The following CNTNAP2 variants were observed in gnomAD, a reference collection of about 807,000 sequenced individuals.
The protein encoded by CNTNAP2 is contactin associated protein 2.
Under a neutral mutation model 155.2 loss-of-function variants are expected in CNTNAP2, and 98 were observed. That is an observed-to-expected ratio of 0.63 (90% CI 0.54 to 0.75). CNTNAP2 has a LOEUF of 0.75. CNTNAP2 is among the 30% of genes least tolerant of loss of function. The pLI is 0.00. For synonymous variants in CNTNAP2, 651 were observed against 631.2 expected, an observed-to-expected ratio of 1.03 and a Z score of -0.47; for missense variants, 1,727 against 1,688.1, an observed-to-expected ratio of 1.02 and a Z score of -0.40.
At chr7:146,479,762 A>G (rs1796932244) in intron 1 of CNTNAP2, among the ~76,000 whole-genome samples, 1 of 151,964 alleles carries the variant, frequency 6.6e-6, no homozygotes, top group Non-Finnish European at 1.5e-5. Flanking sequence ...GGTAGAAATT[A>G]TAGCTCCATA....
At chr7:147,249,476 T>G (rs1804138582) in intron 8 of CNTNAP2, among the ~76,000 whole-genome samples, 1 of 151,936 alleles carries the variant, frequency 6.6e-6, no homozygotes, top group African/African-American at 2.4e-5. Context: ...GTCCCTCTTC[T>G]CAATATAATC....
At chr7:147,859,619 A>G (rs1205839043) in intron 13 of CNTNAP2, among the ~76,000 whole-genome samples, 1 of 152,172 alleles carries the variant, frequency 6.6e-6, no homozygotes, top group Non-Finnish European at 1.5e-5. Flanking sequence ...TTATCTTGCT[A>G]TCACTCTTAA....
chr7:148,281,887 G>A (rs1481676263), intron 21 of CNTNAP2, among the ~76,000 whole-genome samples: 1 of 147,108 alleles, frequency 6.8e-6, no homozygotes, highest in African/African-American at 2.5e-5. Flanking sequence ...CCAGGTTGGA[G>A]TGCAATGGCG....
chr7:147,595,568 G>A (rs779174262), intron 12 of CNTNAP2, among the ~76,000 whole-genome samples: 4 of 152,154 alleles, frequency 2.6e-5, no homozygotes, highest in Non-Finnish European at 2.9e-5. Flanking sequence ...TAATGTATTC[G>A]ATGGAAGCAA....
intron 6 of CNTNAP2, among the ~76,000 whole-genome samples, chr7:147,125,665 A>C (rs546755735): frequency 1.3e-5 from 2 of 152,346 alleles, no homozygotes; most frequent in Non-Finnish European, 2.9e-5. Flanking sequence ...CCTAGGAAGA[A>C]AATCAGTCAC....
intron 1 of CNTNAP2, among the ~76,000 whole-genome samples, chr7:146,316,666 TA>T (rs1800911091): frequency 6.6e-6 from 1 of 152,184 alleles, no homozygotes; most frequent in South Asian, 2.1e-4. Context: ...CATACGTCCA[TA>T]AGATACGTTT....
rs561968893 is a variant in CNTNAP2 at position 146,933,156 on chromosome 7, C to G, written c.402+93252C>G. Among the ~76,000 whole-genome samples, 1,265 of 151,920 alleles carry G rather than the reference C, an allele frequency of 8.3e-3. 22 individuals carry two copies. Among genetic ancestry groups the G allele is most frequent in the African/African-American group, 0.028 (1,162 of 41,258 alleles). ...TCAATCCTAAGCCAAAAGAACAAAGCTGGAGGCATCACGCTACCTGACTTC... is the reference window on the plus strand; with the variant it reads ...TCAATCCTAAGCCAAAAGAACAAAGGTGGAGGCATCACGCTACCTGACTTC... On this transcript the variant is annotated intron_variant, in intron 3 of 23. Transcript: ENST00000361727.
rs186597486 is a variant in CNTNAP2, at chr7:146,170,579, A to C, written c.97+53606A>C. Among the ~76,000 whole-genome samples, 92 of 152,230 alleles carry C rather than the reference A, an allele frequency of 6.0e-4. 1 individual carries two copies. Among genetic ancestry groups the C allele is most frequent in the African/African-American group, 2.0e-3 (83 of 41,550 alleles). On this transcript the variant is annotated intron_variant, in intron 1 of 23. Transcript: ENST00000361727. ...ATTTTTAAATATGGTTTTTGTGGTC[A>C]TATGTTAACATAGAAAATATGAAAA...
At chr7:147,558,728 C>CCTTCCTTCCTTCCTTT (rs1283285491) in intron 11 of CNTNAP2, among the ~76,000 whole-genome samples, 6 of 74,146 alleles carry the variant, frequency 8.1e-5, no homozygotes, top group African/African-American at 2.9e-4. Context: ...TTCCTTCCTT[C>CCTTCCTTCCTTCCTTT]CTTCCTTCCT....
At chr7:146,169,882 G>T (rs1798364164) in intron 1 of CNTNAP2, among the ~76,000 whole-genome samples, 1 of 151,556 alleles carries the variant, frequency 6.6e-6, no homozygotes, top group Admixed American at 6.6e-5. Context: ...TACCTAGTTT[G>T]TTTTCCATAT....
chr7:146,579,084 T>C lies in CNTNAP2; in HGVS notation c.98-195187T>C, dbSNP rs1434831609. On this transcript the variant is annotated intron_variant, in intron 1 of 23. Coordinates refer to ENST00000361727, the MANE Select transcript of CNTNAP2 (RefSeq NM_014141.6). ...TTTGCTGGGAAAAAAGGTCTGTCCA[T>C]AGTGATATAAAATCACTCTCCCTAG... Among the ~76,000 whole-genome samples the C allele has an allele frequency of 5.3e-5, 8 of 152,150 alleles. No individual in the cohort carries two copies. The East Asian group carries it at 1.5e-3, about 29-fold the overall frequency.
At chr7:146,246,340 AG>A (rs1799653966) in intron 1 of CNTNAP2, among the ~76,000 whole-genome samples, 1 of 150,956 alleles carries the variant, frequency 6.6e-6, no homozygotes. Flanking sequence ...CAGACAATTT[AG>A]TTAAAGTGTC....
intron 10 of CNTNAP2, among the ~76,000 whole-genome samples, chr7:147,442,899 CA>C (rs1797667247): frequency 6.6e-6 from 1 of 152,080 alleles, no homozygotes; most frequent in Non-Finnish European, 1.5e-5. Context: ...AAATCTTCTC[CA>C]GTCTTCTGTC....
At position 148,217,190 on chromosome 7, in the gene CNTNAP2, G is replaced by A. The variant is rs1795654752; in HGVS notation, c.3011-98G>A. ...AACTTACTCAGATGCCCTTCCTGGA[G>A]CCAGTGCCTGCACTCCATGAACTGC... On this transcript the variant is annotated intron_variant, in intron 18 of 23. Coordinates refer to ENST00000361727, the MANE Select transcript of CNTNAP2 (RefSeq NM_014141.6). 6 of 1,148,782 alleles carry A rather than the reference G, an allele frequency of 5.2e-6. No homozygotes were observed. The East Asian group carries it at 1.2e-4, about 22-fold the overall frequency. 71.2% of individuals were successfully genotyped at this position (1,148,782 alleles called of 1,614,324 possible). A position where few individuals can be genotyped will look rare whatever the true frequency, so the allele number is the denominator to read the frequency against.
At chr7:148,288,603 A>G (rs1212058638) in intron 21 of CNTNAP2, among the ~76,000 whole-genome samples, 1 of 152,230 alleles carries the variant, frequency 6.6e-6, no homozygotes, top group Non-Finnish European at 1.5e-5. Context: ...TATTAAATTA[A>G]ATAATAGAGT....
In CNTNAP2 at chr7:147,236,130, T is replaced by C. The variant is rs535906661; in HGVS notation, c.1349-64011T>C. On this transcript the variant is annotated intron_variant, in intron 8 of 23. Transcript: ENST00000361727. ...CTGCTGCCATCTCTCCATGTCTGGATACCCTCCAAACCTAACTCAGGCACT... is the reference window on the plus strand; with the variant it reads ...CTGCTGCCATCTCTCCATGTCTGGACACCCTCCAAACCTAACTCAGGCACT... Among the ~76,000 whole-genome samples the C allele has an allele frequency of 2.6e-5, 4 of 152,304 alleles. No homozygotes were observed. In the South Asian group the frequency reaches 8.3e-4, roughly 32 times the overall value.
At chr7:147,600,496 T>C (rs1417997802) in intron 12 of CNTNAP2, among the ~76,000 whole-genome samples, 1 of 152,200 alleles carries the variant, frequency 6.6e-6, no homozygotes, top group Non-Finnish European at 1.5e-5. Context: ...GTGCATTTTA[T>C]ATAATTTTCA....
At chr7:148,413,235 TATAAAAATCAGCTGGGC>T (rs1037713343) in intron 23 of CNTNAP2, among the ~76,000 whole-genome samples, 2 of 150,290 alleles carry the variant, frequency 1.3e-5, no homozygotes, top group Non-Finnish European at 3.0e-5. Context: ...CTACTAAAAA[TATAAAAATCAGCTGGGC>T]GTACTGGTGG....
chr7:148,384,463 A>G (rs1799145636), intron 22 of CNTNAP2, among the ~76,000 whole-genome samples: 1 of 152,192 alleles, frequency 6.6e-6, no homozygotes, highest in East Asian at 1.9e-4. Context: ...TGAAAAATTA[A>G]TTGGATGAAA....
Sources: gnomAD v4.1 joint callset for allele counts (sites outside exome capture counted in the v4.1 genomes callset) on GRCh38, gnomAD v4.1.1 for gene constraint, MANE v1.5 for transcripts, NCBI Gene and HGNC (gene_info 2026-07-23, HGNC 2026-07-21) for gene names.